Variants in NRXN1 observed in about 807,000 individuals in gnomAD.
NRXN1 encodes the protein neurexin-1.
In NRXN1, 39 loss-of-function variants were observed where a neutral mutation model predicts 150.9. The observed-to-expected ratio is 0.26, with a 90% confidence interval of 0.20 to 0.34. The LOEUF is 0.34. Among genes scored for constraint, NRXN1 ranks in the 10% least tolerant of loss-of-function variants. The pLI, the probability that NRXN1 is intolerant of heterozygous loss-of-function variation, is 1.00. For synonymous variants in NRXN1, 924 were observed against 757.0 expected (o/e 1.22, Z -3.62); for missense variants, 1,815 against 1,949.9 (o/e 0.93, Z 1.30).
intron 17 of NRXN1, among the ~76,000 whole-genome samples, chr2:50,272,094 C>T (rs979913941): frequency 1.3e-5 from 2 of 152,090 alleles, no homozygotes; most frequent in Non-Finnish European, 2.9e-5. Context: ...CAGGAGGGTC[C>T]CTGACCTTGG....
intron 18 of NRXN1, chr2:50,207,771 G>C (rs942009145): frequency 5.4e-5 from 9 of 166,172 alleles, no homozygotes; most frequent in Non-Finnish European, 1.3e-4. Flanking sequence ...ATACTATTCT[G>C]AATCAGCTAT....
chr2:50,126,159 A>C (rs569661318), intron 18 of NRXN1, among the ~76,000 whole-genome samples: 1 of 152,152 alleles, frequency 6.6e-6, no homozygotes, highest in Admixed American at 6.5e-5. Flanking sequence ...CCTTTTCGGC[A>C]TACAATTTTA....
intron 12 of NRXN1, among the ~76,000 whole-genome samples, chr2:50,516,238 C>A (rs2092627919): frequency 1.3e-5 from 2 of 152,070 alleles, no homozygotes; most frequent in South Asian, 4.1e-4. Context: ...AATGTGGAGT[C>A]CTTATTCAAA....
intron 9 of NRXN1, among the ~76,000 whole-genome samples, chr2:50,543,425 C>T (rs1487278420): frequency 6.6e-6 from 1 of 152,020 alleles, no homozygotes; most frequent in Non-Finnish European, 1.5e-5. Context: ...GAGATCGCAA[C>T]TAAAAATAAA....
At chr2:50,891,581 A>C (rs995496412) in intron 5 of NRXN1, among the ~76,000 whole-genome samples, 5 of 152,076 alleles carry the variant, frequency 3.3e-5, no homozygotes, top group Admixed American at 2.0e-4. Context: ...AAAATTAATC[A>C]TTACTTGAAA....
intron 2 of NRXN1, among the ~76,000 whole-genome samples, chr2:50,992,147 G>C (rs576000517): frequency 7.9e-5 from 12 of 152,012 alleles, no homozygotes; most frequent in Non-Finnish European, 1.6e-4. Context: ...ATTCATAAAG[G>C]TCTCCTCCAA....
intron 5 of NRXN1, among the ~76,000 whole-genome samples, chr2:50,679,769 C>A (rs565843469): frequency 6.6e-6 from 1 of 152,226 alleles, no homozygotes; most frequent in South Asian, 2.1e-4. Context: ...ACTGTTAGAA[C>A]CATGACTTGG....
intron 18 of NRXN1, among the ~76,000 whole-genome samples, chr2:50,174,090 T>C (rs1258087447): frequency 1.3e-5 from 2 of 152,150 alleles, no homozygotes; most frequent in Non-Finnish European, 2.9e-5. Flanking sequence ...AGAGCTTCTC[T>C]CTAAATTGGC....
intron 5 of NRXN1, among the ~76,000 whole-genome samples, chr2:50,881,001 C>A (rs571035429): frequency 6.6e-6 from 1 of 151,828 alleles, no homozygotes; most frequent in Non-Finnish European, 1.5e-5. Flanking sequence ...AGATATAGAC[C>A]AGATTTGGCA....
chr2:50,463,287 C>A (rs2088442376), intron 17 of NRXN1, among the ~76,000 whole-genome samples: 1 of 151,788 alleles, frequency 6.6e-6, no homozygotes, highest in South Asian at 2.1e-4. Flanking sequence ...GTAACAATTG[C>A]TACTATATCT....
intron 5 of NRXN1, among the ~76,000 whole-genome samples, chr2:50,717,485 C>T (rs1273583631): frequency 6.6e-6 from 1 of 152,108 alleles, no homozygotes; most frequent in Non-Finnish European, 1.5e-5. Flanking sequence ...TTTTCAGTAA[C>T]AGAATAAACA....
chr2:50,062,389 C>T (rs953079295), intron 19 of NRXN1, among the ~76,000 whole-genome samples: 2 of 152,044 alleles, frequency 1.3e-5, no homozygotes, highest in Non-Finnish European at 2.9e-5. Flanking sequence ...ATGAAGCAAG[C>T]CCTCACTAGA....
At chr2:50,969,113 C>A (rs1694590740) in intron 2 of NRXN1, among the ~76,000 whole-genome samples, 1 of 152,212 alleles carries the variant, frequency 6.6e-6, no homozygotes, top group East Asian at 1.9e-4. Flanking sequence ...CACAGCTATG[C>A]CCTTCCTGCC....
intron 5 of NRXN1, among the ~76,000 whole-genome samples, chr2:50,897,007 G>T (rs1239790395): frequency 4.6e-5 from 7 of 152,180 alleles, no homozygotes; most frequent in Non-Finnish European, 1.5e-5. Flanking sequence ...TGTGAGAGAA[G>T]GAGACAATAA....
chr2:50,198,373 T>C (rs958747725), intron 18 of NRXN1, among the ~76,000 whole-genome samples: 6 of 152,106 alleles, frequency 3.9e-5, no homozygotes, highest in African/African-American at 1.4e-4. Context: ...CATGATCCCA[T>C]GTAGGAGAAT....
chr2:50,680,409 T>C (rs1195286214), intron 5 of NRXN1, among the ~76,000 whole-genome samples: 1 of 152,070 alleles, frequency 6.6e-6, no homozygotes, highest in African/African-American at 2.4e-5. Context: ...AGAAAAAAGA[T>C]TTTAAAATAG....
intron 5 of NRXN1, among the ~76,000 whole-genome samples, chr2:50,660,346 C>A (rs1173412274): frequency 6.6e-6 from 1 of 151,950 alleles, no homozygotes; most frequent in Non-Finnish European, 1.5e-5. Context: ...CTTAACAACA[C>A]CCTAAGTTGC....
At chr2:50,727,445 T>TAC (rs915161600) in intron 5 of NRXN1, among the ~76,000 whole-genome samples, 2 of 44,246 alleles carry the variant, frequency 4.5e-5, no homozygotes, top group East Asian at 6.5e-4. Context: ...AATGCATCAT[T>TAC]ACACACACAC....
chr2:50,513,538 G>A (rs531064319), intron 12 of NRXN1, among the ~76,000 whole-genome samples: 1 of 152,236 alleles, frequency 6.6e-6, no homozygotes, highest in Non-Finnish European at 1.5e-5. Context: ...ACCTGAAATA[G>A]ATCAATAACG....
Sources: allele counts gnomAD v4.1 joint callset (sites outside exome capture counted in the v4.1 genomes callset), GRCh38; gene constraint gnomAD v4.1.1; transcripts MANE v1.5; gene names NCBI Gene and HGNC (gene_info 2026-07-23, HGNC 2026-07-21).